NMUR2: variants seen among roughly 807,000 people sequenced by gnomAD.
NMUR2 encodes the protein neuromedin U receptor 2.
In NMUR2, 24 loss-of-function variants were observed where a neutral mutation model predicts 25.1. The observed-to-expected ratio is 0.96, with a 90% CI of 0.69 to 1.34. The LOEUF is 1.34. Among genes scored for constraint, NMUR2 ranks in the 40% most tolerant of loss-of-function variants. The pLI, the probability that NMUR2 is intolerant of heterozygous loss-of-function variation, is 0.00. For synonymous variants in NMUR2, 218 were observed against 208.1 expected (o/e 1.05, Z -0.41); for missense variants, 533 against 512.8 (o/e 1.04, Z -0.38).
rs547413754 is a variant in NMUR2, at chr5:152,401,958, C to T, written c.726+2430G>A. Among the ~76,000 whole-genome samples the T allele has an allele frequency of 1.1e-3, 160 of 152,228 alleles. 1 individual carries two copies. Among genetic ancestry groups the T allele is most frequent in the African/African-American group, 3.6e-3 (150 of 41,538 alleles). On this transcript the variant is annotated intron_variant, in intron 1 of 3. Coordinates refer to ENST00000255262, the MANE Select transcript of NMUR2 (RefSeq NM_020167.5). The stretch of plus-strand genomic sequence containing the variant: ...TAATCATTAGGATTGCTTGGGTCTC[C>T]TTGAGATGATATTTCCAAGTCTTTG...
chr5:152,403,053 T>C (rs187953089), intron 1 of NMUR2, among the ~76,000 whole-genome samples: 1 of 152,344 alleles, frequency 6.6e-6, no homozygotes, highest in Admixed American at 6.5e-5. Context: ...TAAAGTGTGA[T>C]GTCAGAGCCA....
intron 1 of NMUR2, among the ~76,000 whole-genome samples, chr5:152,399,258 C>G (rs927297743): frequency 6.6e-6 from 1 of 152,112 alleles, no homozygotes; most frequent in Non-Finnish European, 1.5e-5. Flanking sequence ...ATTTACTTCT[C>G]TCTTCTCTTA....
intron 1 of NMUR2, among the ~76,000 whole-genome samples, chr5:152,400,555 A>C (rs1302231776): frequency 1.3e-5 from 2 of 152,194 alleles, no homozygotes; most frequent in East Asian, 1.9e-4. Context: ...TCGCTCACAA[A>C]GAGTGCCTGT....
chr5:152,397,521 T>C (rs1169116905), intron 2 of NMUR2, among the ~76,000 whole-genome samples: 1 of 152,030 alleles, frequency 6.6e-6, no homozygotes, highest in South Asian at 2.1e-4. Context: ...TCCCATGGAG[T>C]CTATGAGTAT....
intron 1 of NMUR2, among the ~76,000 whole-genome samples, chr5:152,398,411 T>C (rs1212501709): frequency 6.6e-6 from 1 of 152,188 alleles, no homozygotes; most frequent in African/African-American, 2.4e-5. Context: ...GTGTAGCATG[T>C]TAATAGGTGT....
At chr5:152,402,746 C>G (rs769917320) in intron 1 of NMUR2, among the ~76,000 whole-genome samples, 5 of 152,128 alleles carry the variant, frequency 3.3e-5, no homozygotes, top group Admixed American at 3.3e-4. Flanking sequence ...GAAGTCTTTT[C>G]CCCGCAGTGA....
intron 2 of NMUR2, 56 bp downstream of exon 2, chr5:152,398,004 G>A: frequency 1.6e-6 from 2 of 1,255,106 alleles, no homozygotes; most frequent in South Asian, 1.2e-5. Flanking sequence ...GGTACCAAAT[G>A]TACCTCCTTT....
intron 1 of NMUR2, 30 bp from the exon 2 acceptor site, chr5:152,398,174 T>A: frequency 6.7e-7 from 1 of 1,500,674 alleles, no homozygotes; most frequent in Admixed American, 1.7e-5. Context: ...GGAGAGATAG[T>A]AAGAAAGAGA....
At chr5:152,399,687 T>C (rs1753221723) in intron 1 of NMUR2, among the ~76,000 whole-genome samples, 2 of 152,292 alleles carry the variant, frequency 1.3e-5, no homozygotes, top group South Asian at 4.1e-4. Flanking sequence ...GATCGTGTGT[T>C]TTATTTAATT....
intron 1 of NMUR2, among the ~76,000 whole-genome samples, chr5:152,402,846 G>A (rs1244055768): frequency 6.6e-6 from 1 of 152,194 alleles, no homozygotes; most frequent in Non-Finnish European, 1.5e-5. Context: ...TCCAGGAGGG[G>A]ACTGGCACAG....
At chr5:152,400,387 A>G (rs72791451) in intron 1 of NMUR2, among the ~76,000 whole-genome samples, 22,282 of 152,230 alleles carry the variant, frequency 0.15, 2,098 homozygotes, top group Admixed American at 0.24. Flanking sequence ...CAAGTTGTAT[A>G]TTACTGTTAT....
Position 152,392,094 on chromosome 5 carries a change from C to A in NMUR2, c.*97G>T. 1 of 1,037,614 alleles carries A rather than the reference C, an allele frequency of 9.6e-7. No individual in the cohort carries two copies. Among genetic ancestry groups the A allele is most frequent in the Non-Finnish European group, 1.4e-6 (1 of 701,602 alleles). 64.3% of individuals were successfully genotyped at this position (1,037,614 alleles called of 1,614,324 possible). On this transcript the variant is annotated 3_prime_UTR_variant, in exon 4 of 4. Transcript: ENST00000255262. ...GCAATGGGTACATGAGTTGTAAGAG[C>A]CATTCTACCTCTCTAATATCATATG...
chr5:152,405,177 A>G lies in NMUR2; in HGVS notation c.-64T>C, dbSNP rs1753338287. Reference sequence around the variant, plus strand: ...TGTTTCAAGCTGAGCCAGGAAAAAAAAAAAAAAAAGAAAAAAGGAAAACAA... The same window carrying G: ...TGTTTCAAGCTGAGCCAGGAAAAAAGAAAAAAAAAGAAAAAAGGAAAACAA... On this transcript the variant is annotated 5_prime_UTR_variant, in exon 1 of 4. Coordinates refer to ENST00000255262, the MANE Select transcript of NMUR2 (RefSeq NM_020167.5). 3 of 1,494,206 alleles carry G rather than the reference A, an allele frequency of 2.0e-6. No individual in the cohort carries two copies. In the South Asian group the frequency reaches 4.1e-5, roughly 20 times the overall value. 92.6% of individuals were successfully genotyped at this position (1,494,206 alleles called of 1,614,324 possible). A position where few individuals can be genotyped will look rare whatever the true frequency, so the allele number is the denominator to read the frequency against.
chr5:152,403,080 G>A (rs1753285589), intron 1 of NMUR2, among the ~76,000 whole-genome samples: 1 of 152,218 alleles, frequency 6.6e-6, no homozygotes, highest in Non-Finnish European at 1.5e-5. Flanking sequence ...AGCAAATGAT[G>A]TGAATGTGAT....
At chr5:152,404,286 C>A in intron 1 of NMUR2, 102 bp downstream of exon 1, 1 of 1,387,666 alleles carries the variant, frequency 7.2e-7, no homozygotes. Context: ...CCTCTGTTCC[C>A]TTCCATTTCT....
intron 1 of NMUR2, among the ~76,000 whole-genome samples, chr5:152,404,059 G>A (rs535876135): frequency 1.3e-5 from 2 of 152,258 alleles, no homozygotes; most frequent in East Asian, 1.9e-4. Flanking sequence ...CAGACCTTCT[G>A]AATCCCATTT....
In NMUR2 at chr5:152,404,432, G is replaced by A. The variant is rs756827531; in HGVS notation, c.682C>T (p.Pro228Ser). Residue 228 changes from proline (P) to serine (S), a missense_variant, in exon 1 of 4, where the codon CCC becomes TCC. Physicochemically the swap from Pro to Ser is moderately conservative, Grantham distance 74. Transcript: ENST00000255262. ...QVTSFLFYLL[P>S]MTVISVLYYL... ...TAGAGGACACTGATGACAGTCATGGGGAGGAGGTAGAATAGGAAGGAGGTG... is the reference window on the plus strand; with the variant it reads ...TAGAGGACACTGATGACAGTCATGGAGAGGAGGTAGAATAGGAAGGAGGTG... 3 of 1,614,066 alleles carry A rather than the reference G, an allele frequency of 1.9e-6. No homozygotes were observed. The highest frequency in any genetic ancestry group is 2.2e-5 in the South Asian group (2 of 91,080).
rs536387334 is a variant in NMUR2 at position 152,402,000 on chromosome 5, G to T, written c.726+2388C>A. On this transcript the variant is annotated intron_variant, in intron 1 of 3. Coordinates refer to ENST00000255262, the MANE Select transcript of NMUR2 (RefSeq NM_020167.5). ...AAGTCTTTGTTTTAAAGGTAGAGAA[G>T]CTAAAGCCCAGCAATGAAGGAAGTA... 2.0e-5 allele frequency among the ~76,000 whole-genome samples: 3 copies of T among 152,270 alleles called. No individual in the cohort carries two copies. In the East Asian group the frequency reaches 5.8e-4, roughly 29 times the overall value.
chr5:152,392,582 A>G (rs950862714), intron 3 of NMUR2, 81 bp from the exon 4 acceptor site: 5 of 1,102,910 alleles, frequency 4.5e-6, no homozygotes, highest in Non-Finnish European at 5.3e-6. Flanking sequence ...AATATTTACA[A>G]AGGCCTAGAA....
Sources: gnomAD v4.1 joint callset for allele counts (sites outside exome capture counted in the v4.1 genomes callset) on GRCh38, gnomAD v4.1.1 for gene constraint, MANE v1.5 for transcripts, NCBI Gene and HGNC (gene_info 2026-07-23, HGNC 2026-07-21) for gene names.